The following NCEH1 variants were observed in gnomAD, a reference collection of about 807,000 sequenced individuals.
NCEH1 encodes neutral cholesterol ester hydrolase 1, also known as 2-acetyl MAGE hydrolase.
In NCEH1, 9 loss-of-function variants were observed where a neutral mutation model predicts 25.4. The ratio of observed to expected loss-of-function variants is 0.35; its 90% CI spans 0.21 to 0.62. The LOEUF (loss-of-function observed/expected upper bound fraction) is 0.62. Ranked by LOEUF, NCEH1 falls within the 20% of genes least tolerant of loss-of-function variation. The pLI is 0.72. For synonymous variants in NCEH1, 200 were observed against 199.8 expected (o/e 1.00, Z -0.01); for missense variants, 412 against 501.1 (o/e 0.82, Z 1.70).
chr3:172,649,471 A>T (rs1472578684), intron 1 of NCEH1, among the ~76,000 whole-genome samples: 1 of 152,242 alleles, frequency 6.6e-6, no homozygotes, highest in Non-Finnish European at 1.5e-5. Context: ...GTGCCCTGAC[A>T]TCAACTGCCC....
intron 1 of NCEH1, among the ~76,000 whole-genome samples, chr3:172,670,252 G>A (rs1711532307): frequency 6.6e-6 from 1 of 152,204 alleles, no homozygotes; most frequent in Non-Finnish European, 1.5e-5. Flanking sequence ...TGAAAGCAAA[G>A]AGGTTCTCAA....
At chr3:172,635,848 G>T in intron 4 of NCEH1, 68 bp downstream of exon 4, 5 of 1,434,860 alleles carry the variant, frequency 3.5e-6, no homozygotes, top group South Asian at 2.6e-5. Flanking sequence ...ATAATGGAGG[G>T]TGTGTTGGTC....
At position 172,648,027 on chromosome 3, in the gene NCEH1, A is replaced by G; in HGVS notation, c.226T>C (p.Ser76Pro). ...TCGGTCACCTTCACTTGGGCAGAAG[A>G]CCACGCGCTTTTTTTGCCAAAAGAA... ...IVSFGKKSAW[S>P]SAQVKVTDTD... Residue 76 changes from serine to proline, a missense_variant, in exon 2 of 5, where the codon TCT (serine) becomes CCT (proline). Around this residue, in one of 3 missense-constraint regions of NCEH1, gnomAD observed 178 missense variants for 189.2 expected, o/e 0.94. Coordinates refer to ENST00000475381, the MANE Select transcript of NCEH1 (RefSeq NM_020792.6). The G allele has an allele frequency of 1.2e-6, 2 of 1,614,126 alleles. No individual in the cohort carries two copies. Among genetic ancestry groups the G allele is most frequent in the Non-Finnish European group, 8.5e-7 (1 of 1,180,022 alleles).
In NCEH1 at chr3:172,633,517, C is replaced by T. The variant is rs1560175721; in HGVS notation, c.1185G>A (p.Arg395=). 1 of 1,614,066 alleles carries T rather than the reference C, an allele frequency of 6.2e-7. No homozygotes were observed. Among genetic ancestry groups the T allele is most frequent in the Non-Finnish European group, 8.5e-7 (1 of 1,179,992 alleles). The change falls in exon 5 of 5, where the codon CGG becomes CGA. Residue 395 remains arginine (R), a synonymous_variant. Coordinates refer to ENST00000475381, the MANE Select transcript of NCEH1 (RefSeq NM_020792.6). Reference sequence around the variant, plus strand: ...GCCACTTGATGTAACTATTCCTAGTCCGGATTCCCACTGAGAAGTTGGTGG... The same window carrying T: ...GCCACTTGATGTAACTATTCCTAGTTCGGATTCCCACTGAGAAGTTGGTGG... ...SWPTNFSVGI[R]TRNSYIKWLD...
intron 1 of NCEH1, among the ~76,000 whole-genome samples, chr3:172,665,419 G>A (rs567439271): frequency 9.3e-4 from 142 of 152,344 alleles, no homozygotes; most frequent in African/African-American, 3.3e-3. Context: ...GTGCCTCCCA[G>A]TTAGGCTACT....
intron 1 of NCEH1, among the ~76,000 whole-genome samples, chr3:172,679,212 A>G (rs1260831274): frequency 6.6e-6 from 1 of 152,228 alleles, no homozygotes; most frequent in Non-Finnish European, 1.5e-5. Context: ...GACAGCTATG[A>G]CCTAATGCTT....
chr3:172,650,803 C>T (rs1717360706), intron 1 of NCEH1, among the ~76,000 whole-genome samples: 1 of 110,126 alleles, frequency 9.1e-6, no homozygotes, highest in Admixed American at 1.2e-4. Flanking sequence ...CAGAGCGAGA[C>T]TCTGCCTCGA....
At chr3:172,709,550 T>C (rs947392334) in intron 1 of NCEH1, among the ~76,000 whole-genome samples, 8 of 152,158 alleles carry the variant, frequency 5.3e-5, no homozygotes, top group African/African-American at 1.9e-4. Context: ...TATAGCTTCA[T>C]AGACCTTTCC....
At chr3:172,678,364 A>G (rs947324833) in intron 1 of NCEH1, among the ~76,000 whole-genome samples, 3 of 152,216 alleles carry the variant, frequency 2.0e-5, no homozygotes, top group African/African-American at 7.2e-5. Context: ...TGCCAGTTCC[A>G]GAGGCAAGAA....
At chr3:172,698,622 T>C (rs1169878081) in intron 1 of NCEH1, among the ~76,000 whole-genome samples, 2 of 152,216 alleles carry the variant, frequency 1.3e-5, no homozygotes, top group East Asian at 3.8e-4. Flanking sequence ...AAAAGGCAGA[T>C]GACTATCAAA....
chr3:172,652,905 A>C (rs1486822952), intron 1 of NCEH1, among the ~76,000 whole-genome samples: 1 of 150,970 alleles, frequency 6.6e-6, no homozygotes, highest in Non-Finnish European at 1.5e-5. Context: ...GGGTTTCACT[A>C]TGTTGCCCAG....
At chr3:172,708,512 G>A (rs1399180836) in intron 1 of NCEH1, among the ~76,000 whole-genome samples, 2 of 152,118 alleles carry the variant, frequency 1.3e-5, no homozygotes, top group South Asian at 2.1e-4. Flanking sequence ...CCTGCCACCA[G>A]CCCTGGCTAA....
intron 1 of NCEH1, among the ~76,000 whole-genome samples, chr3:172,677,594 C>A (rs1712086616): frequency 1.6e-5 from 2 of 124,570 alleles, no homozygotes; most frequent in Non-Finnish European, 3.2e-5. Flanking sequence ...AAGTTAAATG[C>A]TTTGCTCAGG....
chr3:172,640,682 T>G (rs1716809881), intron 3 of NCEH1, among the ~76,000 whole-genome samples: 1 of 152,162 alleles, frequency 6.6e-6, no homozygotes, highest in Non-Finnish European at 1.5e-5. Context: ...TAATTTTTTG[T>G]ATTTTTAGTA....
intron 3 of NCEH1, among the ~76,000 whole-genome samples, chr3:172,636,365 A>C (rs1716597258): frequency 6.6e-6 from 1 of 151,260 alleles, no homozygotes; most frequent in Non-Finnish European, 1.5e-5. Flanking sequence ...ACCAAGAACA[A>C]CCAAAATAAA....
chr3:172,707,642 G>A (rs1411274228), intron 1 of NCEH1, among the ~76,000 whole-genome samples: 2 of 152,082 alleles, frequency 1.3e-5, no homozygotes, highest in South Asian at 2.1e-4. Flanking sequence ...CTGGAGTGCA[G>A]TGGCCTGATC....
chr3:172,694,190 G>A (rs1016655781), intron 1 of NCEH1, among the ~76,000 whole-genome samples: 3 of 152,130 alleles, frequency 2.0e-5, no homozygotes, highest in Non-Finnish European at 4.4e-5. Context: ...GTATTTAAAT[G>A]TTATACAACT....
At chr3:172,643,724 G>A (rs1007634439) in intron 3 of NCEH1, among the ~76,000 whole-genome samples, 1 of 152,198 alleles carries the variant, frequency 6.6e-6, no homozygotes. Flanking sequence ...GAAGCCCGGA[G>A]GGTAGGCCCT....
chr3:172,640,653 G>A (rs1471502428), intron 3 of NCEH1, among the ~76,000 whole-genome samples: 3 of 152,056 alleles, frequency 2.0e-5, no homozygotes, highest in African/African-American at 4.8e-5. Context: ...AACTACAGGC[G>A]CCCGCCACCG....
Sources: gnomAD v4.1 joint callset for allele counts (sites outside exome capture counted in the v4.1 genomes callset) on GRCh38, gnomAD v4.1.1 for gene constraint, gnomAD v4.1.1 regional missense constraint, MANE v1.5 for transcripts, NCBI Gene and HGNC (gene_info 2026-07-23, HGNC 2026-07-21) for gene names.